Variants in ACACA observed in about 807,000 individuals in gnomAD.
The protein encoded by ACACA is acetyl-CoA carboxylase alpha, also known as acetyl-CoA carboxylase 1.
A neutral mutation model predicts 296.1 loss-of-function variants in ACACA; 103 were observed. The observed-to-expected ratio is 0.35, with a 90% confidence interval of 0.30 to 0.41. The LOEUF is 0.41. Ranked by LOEUF, ACACA falls within the 10% of genes least tolerant of loss-of-function variation. The pLI, the probability that ACACA is intolerant of heterozygous loss-of-function variation, is 1.00. For synonymous variants in ACACA, 953 were observed against 1,038.6 expected (o/e 0.92, Z 1.58); for missense variants, 1,554 against 2,989.7 (o/e 0.52, Z 11.20).
chr17:37,301,951 C>A (rs2083637793), intron 3 of ACACA, among the ~76,000 whole-genome samples: 1 of 151,950 alleles, frequency 6.6e-6, no homozygotes, highest in East Asian at 1.9e-4. Flanking sequence ...CATGGACTGC[C>A]TCTCCATTTA....
At chr17:37,336,958 C>T (rs1303746865) in intron 2 of ACACA, among the ~76,000 whole-genome samples, 1 of 152,148 alleles carries the variant, frequency 6.6e-6, no homozygotes, top group Admixed American at 6.5e-5. Flanking sequence ...CAGAGACAAA[C>T]AGCATTTATA....
chr17:37,304,218 T>C (rs2083760880), intron 3 of ACACA, among the ~76,000 whole-genome samples: 1 of 152,220 alleles, frequency 6.6e-6, no homozygotes, highest in African/African-American at 2.4e-5. Flanking sequence ...TTTTAATTTT[T>C]TGAGACAGAG....
intron 1 of ACACA, among the ~76,000 whole-genome samples, chr17:37,390,638 A>G (rs114028464): frequency 0.012 from 1,705 of 147,176 alleles, 36 homozygotes; most frequent in African/African-American, 0.038. Context: ...AAAAGAGAGA[A>G]AAAAAAAAAA....
intron 1 of ACACA, among the ~76,000 whole-genome samples, chr17:37,371,068 G>C (rs1466979036): frequency 6.6e-6 from 1 of 151,802 alleles, no homozygotes; most frequent in Non-Finnish European, 1.5e-5. Context: ...CATATATAGA[G>C]AGTTCAATTT....
At chr17:37,337,832 T>C (rs1333552314) in intron 2 of ACACA, among the ~76,000 whole-genome samples, 1 of 149,830 alleles carries the variant, frequency 6.7e-6, no homozygotes, top group Non-Finnish European at 1.5e-5. Flanking sequence ...GCGCAGTGGC[T>C]CACGCCTGTA....
chr17:37,388,883 T>C (rs1228404296), intron 1 of ACACA: 1 of 1,499,042 alleles, frequency 6.7e-7, no homozygotes, highest in Non-Finnish European at 9.1e-7. Flanking sequence ...GAGAAAAGCA[T>C]AGACTTTGGA....
chr17:37,325,578 TC>T (rs1467492658), intron 3 of ACACA, among the ~76,000 whole-genome samples: 1 of 136,638 alleles, frequency 7.3e-6, no homozygotes, highest in Admixed American at 7.6e-5. Context: ...TTCTTTTCTT[TC>T]TTTTTTTTTT....
Position 37,223,609 on chromosome 17 carries a change from A to G in ACACA, c.3475-8T>C. 1 of 1,566,492 alleles carries G rather than the reference A, an allele frequency of 6.4e-7. No individual in the cohort carries two copies. The highest frequency in any genetic ancestry group is 8.8e-7 in the Non-Finnish European group (1 of 1,136,780). On this transcript the variant is annotated splice_region_variant and splice_polypyrimidine_tract_variant and intron_variant, in intron 27 of 55. Coordinates refer to ENST00000616317, the MANE Select transcript of ACACA (RefSeq NM_198834.3). Reference sequence around the variant, plus strand: ...TTCTGATAGGATGAGTTTCTAGAAGATACAAAGACAGGCTTAAGCCTTACA... The same window carrying G: ...TTCTGATAGGATGAGTTTCTAGAAGGTACAAAGACAGGCTTAAGCCTTACA...
intron 41 of ACACA, 131 bp from the exon 42 acceptor site, chr17:37,162,181 C>T (rs2076487417): frequency 1.0e-6 from 1 of 968,584 alleles, no homozygotes; most frequent in Admixed American, 2.0e-5. Context: ...AAGAGCCAAA[C>T]TCCCTGTGGG....
intron 3 of ACACA, among the ~76,000 whole-genome samples, chr17:37,317,606 C>T (rs898772017): frequency 6.6e-6 from 1 of 152,114 alleles, no homozygotes; most frequent in African/African-American, 2.4e-5. Context: ...AATAATAAAC[C>T]TACATTACTT....
intron 3 of ACACA, chr17:37,299,712 A>G (rs1018724881): frequency 3.0e-6 from 3 of 1,008,372 alleles, no homozygotes; most frequent in Non-Finnish European, 3.5e-6. Context: ...TTTCAACAAC[A>G]GTCACTTTCT....
chr17:37,157,084 T>C (rs1299703803), intron 42 of ACACA, among the ~76,000 whole-genome samples: 1 of 152,034 alleles, frequency 6.6e-6, no homozygotes, highest in South Asian at 2.1e-4. Flanking sequence ...ATAAGTAAAA[T>C]GTATAATGTA....
intron 42 of ACACA, among the ~76,000 whole-genome samples, chr17:37,157,326 C>T (rs1038601479): frequency 5.9e-5 from 9 of 152,128 alleles, no homozygotes; most frequent in African/African-American, 2.2e-4. Flanking sequence ...AAAGCAGAGT[C>T]GGGTAGAGCC....
chr17:37,139,080 G>T (rs2075450275), intron 45 of ACACA, among the ~76,000 whole-genome samples: 1 of 152,198 alleles, frequency 6.6e-6, no homozygotes, highest in Non-Finnish European at 1.5e-5. Context: ...GAGTAGCAAA[G>T]CTTCAAGTGA....
chr17:37,366,274 T>G (rs1321582082), intron 1 of ACACA, among the ~76,000 whole-genome samples: 1 of 152,164 alleles, frequency 6.6e-6, no homozygotes, highest in Non-Finnish European at 1.5e-5. Flanking sequence ...TCTACCTGTC[T>G]TCTACCTTCA....
At chr17:37,284,731 C>A in intron 4 of ACACA, 107 bp downstream of exon 4, 1 of 1,478,078 alleles carries the variant, frequency 6.8e-7, no homozygotes, top group Non-Finnish European at 9.4e-7. Flanking sequence ...AGAGGCAAAG[C>A]CTCTGAGAAA....
Position 37,162,053 on chromosome 17 carries a change from G to A in ACACA, c.5080-3C>T. On this transcript the variant is annotated splice_region_variant and splice_polypyrimidine_tract_variant and intron_variant, in intron 41 of 55. Transcript: ENST00000616317. ...ATTTTCCAAGCTACCATGCCAATCT[G>A]GAAAGGCATAAACAAACAAATGAAC... is the stretch of plus-strand genomic sequence containing the variant. 2 of 1,614,094 alleles carry A rather than the reference G, an allele frequency of 1.2e-6. No homozygotes were observed. The highest frequency in any genetic ancestry group is 1.7e-6 in the Non-Finnish European group (2 of 1,179,998).
At chr17:37,122,827 C>T (rs1299967735) in intron 48 of ACACA, 200 bp from the exon 49 acceptor site, 12 of 654,000 alleles carry the variant, frequency 1.8e-5, no homozygotes, top group Non-Finnish European at 3.0e-5. Flanking sequence ...GGAAACCACC[C>T]TCAGAATCAC....
intron 49 of ACACA, 85 bp downstream of exon 49, chr17:37,122,446 T>C (rs1197394777): frequency 1.9e-5 from 21 of 1,089,212 alleles, no homozygotes; most frequent in Non-Finnish European, 2.6e-5. Flanking sequence ...AAACTGATGG[T>C]TTGCAATGTT....
Sources: allele counts gnomAD v4.1 joint callset (sites outside exome capture counted in the v4.1 genomes callset), GRCh38; gene constraint gnomAD v4.1.1; transcripts MANE v1.5; gene names NCBI Gene and HGNC (gene_info 2026-07-23, HGNC 2026-07-21).